Variants in OGFOD3 observed in about 807,000 individuals in gnomAD.
The protein encoded by OGFOD3 is 2-oxoglutarate and iron dependent oxygenase domain containing 3.
OGFOD3 carries 35 observed loss-of-function variants against 39.8 expected under a neutral mutation model. The observed-to-expected ratio is 0.88, with a 90% CI of 0.67 to 1.17. OGFOD3 has a LOEUF of 1.17. Ranked by LOEUF, OGFOD3 falls within the 50% of genes most tolerant of loss-of-function variation. The probability of loss-of-function intolerance (pLI) is 0.00; values close to 1 mark genes in which losing one functional copy is unlikely to be tolerated. For synonymous variants in OGFOD3, 200 were observed against 192.0 expected, an observed-to-expected ratio of 1.04 and a Z score of -0.34; for missense variants, 438 against 454.5, an observed-to-expected ratio of 0.96 and a Z score of 0.33.
rs545301806 is a variant in OGFOD3 at position 82,398,184 on chromosome 17, C to T, written c.823+12G>A. The T allele has an allele frequency of 4.8e-5, 77 of 1,613,924 alleles. No individual in the cohort carries two copies. Among genetic ancestry groups the T allele is most frequent in the South Asian group, 1.5e-4 (14 of 91,076 alleles). On this transcript the variant is annotated intron_variant, in intron 8 of 8. Coordinates refer to ENST00000313056, the MANE Select transcript of OGFOD3 (RefSeq NM_024648.3). ...AGGAGCCCCACGCCCAGGCCCCGCC[C>T]GCGCCTCCTACCAGCTCTCGGCTCC...
intron 3 of OGFOD3, among the ~76,000 whole-genome samples, chr17:82,409,956 A>G (rs1321046371): frequency 6.6e-6 from 1 of 152,210 alleles, no homozygotes; most frequent in African/African-American, 2.4e-5. Flanking sequence ...TTAATCTCTC[A>G]TCTTCAATAT....
At chr17:82,410,482 G>A (rs866237829) in intron 3 of OGFOD3, among the ~76,000 whole-genome samples, 6 of 152,166 alleles carry the variant, frequency 3.9e-5, no homozygotes, top group South Asian at 2.1e-4. Context: ...GTGGGCTGAC[G>A]GGCTCCCTGG....
Position 82,392,584 on chromosome 17 carries a change from A to G in OGFOD3, c.824-50T>C. On this transcript the variant is annotated intron_variant, in intron 8 of 8. Coordinates refer to ENST00000313056, the MANE Select transcript of OGFOD3 (RefSeq NM_024648.3). The surrounding 1 kb of genome is among the most constrained non-coding windows in gnomAD (Gnocchi z 4.2). ...TGGCCATAGAGCCACACCCACGGCC[A>G]CAGCCTTCAGAGGGTCTGCGGTCAC... The G allele has an allele frequency of 6.5e-7, 1 of 1,550,346 alleles. No homozygotes were observed. The highest frequency in any genetic ancestry group is 1.2e-5 in the South Asian group (1 of 83,460).
chr17:82,400,111 A>G (rs902665818), intron 7 of OGFOD3, among the ~76,000 whole-genome samples: 31 of 152,186 alleles, frequency 2.0e-4, no homozygotes, highest in African/African-American at 7.0e-4. Flanking sequence ...GCTGGGGCCC[A>G]GCCCCCAGTC....
rs1363553053 is a variant in OGFOD3, at chr17:82,391,872, C to G, written c.*526G>C. 6.3e-6 allele frequency: 1 copy of G among 157,708 alleles called. No homozygotes were observed. The highest frequency in any genetic ancestry group is 1.4e-5 in the Non-Finnish European group (1 of 71,466). 9.8% of individuals were successfully genotyped at this position (157,708 alleles called of 1,614,324 possible). On this transcript the variant is annotated 3_prime_UTR_variant, in exon 9 of 9. Transcript: ENST00000313056. The surrounding 1 kb of genome is among the most constrained non-coding windows in gnomAD (Gnocchi z 5.1). ...GGGAACGGCAGATGTTCACCTCCAC[C>G]TGAATCCAGCAGAACTCCCACCCAC...
chr17:82,396,071 C>T (rs2052668057), intron 8 of OGFOD3, among the ~76,000 whole-genome samples: 1 of 150,716 alleles, frequency 6.6e-6, no homozygotes, highest in African/African-American at 2.4e-5. Context: ...AGATGTACAA[C>T]ATCACAGGTA....
chr17:82,418,295 C>CCCCCCCCA (rs2053113719), intron 1 of OGFOD3, 117 bp downstream of exon 1: 1 of 42,756 alleles, frequency 2.3e-5, no homozygotes, highest in African/African-American at 2.4e-4. Flanking sequence ...CGCCCACCTG[C>CCCCCCCCA]CCCCCCCCAC....
intron 6 of OGFOD3, among the ~76,000 whole-genome samples, 164 bp downstream of exon 6, chr17:82,405,160 G>A (rs573574748): frequency 2.6e-5 from 4 of 152,272 alleles, no homozygotes; most frequent in East Asian, 1.9e-4. Flanking sequence ...TCCTGGCCAC[G>A]CTGGGCCTGC....
chr17:82,400,128 G>A (rs960793679), intron 7 of OGFOD3, among the ~76,000 whole-genome samples: 4 of 152,098 alleles, frequency 2.6e-5, no homozygotes, highest in Non-Finnish European at 4.4e-5. Flanking sequence ...AGTCCGACCC[G>A]CCAATATCCA....
At chr17:82,418,380 G>T in intron 1 of OGFOD3, 32 bp downstream of exon 1, 1 of 1,403,636 alleles carries the variant, frequency 7.1e-7, no homozygotes, top group African/African-American at 1.5e-5. Context: ...GTCCGCCGCC[G>T]CAGCGCGCGC....
chr17:82,411,008 C>T (rs2052933303), intron 3 of OGFOD3, among the ~76,000 whole-genome samples: 1 of 151,058 alleles, frequency 6.6e-6, no homozygotes, highest in Non-Finnish European at 1.5e-5. Context: ...GCATGAGCCA[C>T]CGCACCCAGC....
rs758268756 is a variant in OGFOD3 at position 82,404,005 on chromosome 17, A to G, written c.631T>C (p.Phe211Leu). 6 of 1,611,418 alleles carry G rather than the reference A, an allele frequency of 3.7e-6. No individual in the cohort carries two copies. Among genetic ancestry groups the G allele is most frequent in the Non-Finnish European group, 4.2e-6 (5 of 1,179,010 alleles). The change falls in exon 7 of 9, where the codon TTC (phenylalanine) becomes CTC (leucine). Residue 211 changes from phenylalanine to leucine, a missense_variant. Phe to Leu is a conservative substitution (Grantham distance 22, BLOSUM62 0). Coordinates refer to ENST00000313056, the MANE Select transcript of OGFOD3 (RefSeq NM_024648.3). The surrounding 1 kb of genome is among the most constrained non-coding windows in gnomAD (Gnocchi z 4.5). ...GCTTCCGTGCTGTTTATGCGGGAGA[A>G]GAAGGTGGGCTTGGTCAGATGCAGC... ...SSLHLTKPTF[F>L]SRINSTEART...
rs60964493 is a variant in OGFOD3 at position 82,398,515 on chromosome 17, T to C, written c.700-196A>G. Among the ~76,000 whole-genome samples, 268 of 152,322 alleles carry C rather than the reference T, an allele frequency of 1.8e-3. 2 individuals are homozygous for C. Among genetic ancestry groups the C allele is most frequent in the African/African-American group, 6.2e-3 (256 of 41,574 alleles). On this transcript the variant is annotated intron_variant, in intron 7 of 8. Coordinates refer to ENST00000313056, the MANE Select transcript of OGFOD3 (RefSeq NM_024648.3). ...CCCAGGTTCAAGCAATTCTCCTGCC[T>C]CAGCCTCCCGAGTAGCTGGGGCTAC...
rs1455329942 is a variant in OGFOD3 at position 82,415,564 on chromosome 17, G to A, written c.138C>T (p.Thr46=). ...GCACAAAGCCAGCCCCCAGGCCCGC[G>A]GTCCTTAGCCACGGCCTCTGCCACA... The part of the protein sequence containing the change: ...QRLWQRPWLR[T]AGLGAGFVLT... Residue 46 remains threonine, a synonymous_variant, in exon 2 of 9, where the codon ACC becomes ACT. Coordinates refer to ENST00000313056, the MANE Select transcript of OGFOD3 (RefSeq NM_024648.3). The surrounding 1 kb of genome is among the most constrained non-coding windows in gnomAD (Gnocchi z 5.3). 10 of 1,613,292 alleles carry A rather than the reference G, an allele frequency of 6.2e-6. No individual in the cohort carries two copies. The highest frequency in any genetic ancestry group is 2.2e-5 in the East Asian group (1 of 44,884).
At position 82,398,204 on chromosome 17, in the gene OGFOD3, G is replaced by C. The variant is rs17852152; in HGVS notation, c.815C>G (p.Pro272Arg). The C allele has an allele frequency of 3.7e-5, 59 of 1,613,986 alleles. No homozygotes were observed. The highest frequency in any genetic ancestry group is 3.3e-4 in the Middle Eastern group (2 of 6,054). ...CCGCCCGCGCCTCCTACCAGCTCTC[G>C]GCTCCACCGTCTTGTTGGCACCCTC... ...MEEGANKTVE[P>R]RAGRVSFFTS... Residue 272 changes from proline (P) to arginine (R), a missense_variant, in exon 8 of 9, where the codon CCG (proline) becomes CGG (arginine). Pro to Arg is a moderately radical substitution (Grantham distance 103, BLOSUM62 -2). Transcript: ENST00000313056.
At chr17:82,409,310 C>G (rs1347199292) in intron 4 of OGFOD3, 58 bp downstream of exon 4, 1 of 1,568,748 alleles carries the variant, frequency 6.4e-7, no homozygotes. Context: ...CCTTCCCATC[C>G]AAGTGAGAGC....
chr17:82,389,920 T>A lies in OGFOD3; in HGVS notation c.*2478A>T, dbSNP rs2052581466. 1 of 151,924 alleles carries A rather than the reference T, an allele frequency of 6.6e-6. No individual in the cohort carries two copies. Among genetic ancestry groups the A allele is most frequent in the Non-Finnish European group, 1.5e-5 (1 of 67,988 alleles). The allele number at this position is 151,924 out of a possible 1,614,324, so 9.4% of individuals were successfully genotyped here. Reference sequence around the variant, plus strand: ...CCTGTAGTCCCAGCTACTCGGGAGGTTGAGGCAGGAGAATGGTGGGAACCC... The same window carrying A: ...CCTGTAGTCCCAGCTACTCGGGAGGATGAGGCAGGAGAATGGTGGGAACCC... On this transcript the variant is annotated 3_prime_UTR_variant, in exon 9 of 9. Transcript: ENST00000313056. This position sits in a 1 kb window ranked among gnomAD's most constrained non-coding sequence, Gnocchi z 4.6.
intron 7 of OGFOD3, among the ~76,000 whole-genome samples, chr17:82,402,213 T>C (rs1465463899): frequency 1.3e-5 from 2 of 151,988 alleles, no homozygotes; most frequent in African/African-American, 2.4e-5. Flanking sequence ...GGCAGGTGGA[T>C]TGCTTGAGGT....
rs1489368703 is a variant in OGFOD3, at chr17:82,392,124, A to T, written c.*274T>A. On this transcript the variant is annotated 3_prime_UTR_variant, in exon 9 of 9. Coordinates refer to ENST00000313056, the MANE Select transcript of OGFOD3 (RefSeq NM_024648.3). This position sits in a 1 kb window ranked among gnomAD's most constrained non-coding sequence, Gnocchi z 4.2. ...GTGGATGAGTCCCGTCCATTCACAG[A>T]TGGGGACTTGTGCCCCGTCCTGCTG... is the stretch of plus-strand genomic sequence containing the variant. 1 of 507,254 alleles carries T rather than the reference A, an allele frequency of 2.0e-6. No homozygotes were observed. Among genetic ancestry groups the T allele is most frequent in the African/African-American group, 1.9e-5 (1 of 51,504 alleles). The allele number at this position is 507,254 out of a possible 1,614,324, so 31.4% of individuals were successfully genotyped here. A position where few individuals can be genotyped will look rare whatever the true frequency, so the allele number is the denominator to read the frequency against.
Sources: gnomAD v4.1 joint callset for allele counts (sites outside exome capture counted in the v4.1 genomes callset) on GRCh38, gnomAD v4.1.1 for gene constraint, Gnocchi (gnomAD v3.1) non-coding constraint, MANE v1.5 for transcripts, NCBI Gene and HGNC (gene_info 2026-07-23, HGNC 2026-07-21) for gene names.